SDK1: variants seen among roughly 807,000 people sequenced by gnomAD.
The protein encoded by SDK1 is protein sidekick-1.
SDK1 carries 157 observed loss-of-function variants against 245.5 expected under a neutral mutation model. The ratio of observed to expected loss-of-function variants is 0.64; its 90% CI spans 0.56 to 0.73. The LOEUF is 0.73. Among genes scored for constraint, SDK1 ranks in the 30% least tolerant of loss-of-function variants. SDK1 has a pLI of 0.00. For missense variants in SDK1, 3,583 were observed against 3,002.3 expected (o/e 1.19, Z -4.52); for synonymous variants, 1,647 against 1,278.5 (o/e 1.29, Z -6.15).
At chr7:3,338,443 CAT>C (rs1291552413) in intron 1 of SDK1, 11 of 521,416 alleles carry the variant, frequency 2.1e-5, no homozygotes, top group East Asian at 5.1e-5. Context: ...CTTCCTGAAA[CAT>C]GTGAAGGAAA....
At chr7:4,108,983 C>T (rs921044254) in intron 22 of SDK1, among the ~76,000 whole-genome samples, 28 of 152,180 alleles carry the variant, frequency 1.8e-4, no homozygotes, top group African/African-American at 6.5e-4. Flanking sequence ...TGAGATTTGT[C>T]CATGTGGTAG....
At chr7:3,629,100 GGC>G (rs1782207674) in intron 2 of SDK1, among the ~76,000 whole-genome samples, 2 of 151,618 alleles carry the variant, frequency 1.3e-5, no homozygotes, top group African/African-American at 4.8e-5. Context: ...AGACCATCCT[GGC>G]TAACATGGTG....
intron 4 of SDK1, among the ~76,000 whole-genome samples, chr7:3,723,845 C>T (rs1046763112): frequency 2.1e-5 from 3 of 144,560 alleles, no homozygotes; most frequent in Admixed American, 6.9e-5. Flanking sequence ...TGTATATACA[C>T]GTACATATAC....
chr7:4,064,194 A>C (rs556436680), intron 19 of SDK1, among the ~76,000 whole-genome samples: 19 of 152,230 alleles, frequency 1.2e-4, no homozygotes, highest in Non-Finnish European at 2.5e-4. Flanking sequence ...GTAAGGGATT[A>C]ATATCTAAAA....
Position 4,265,291 on chromosome 7 carries a change from C to A in SDK1, c.6549C>A (p.His2183Gln). Reference sequence around the variant, plus strand: ...GCTCCGAGGCGGGCGCGCAGCTGCACCCGGTCATCACCACGCAGAGCGCGG... The same window carrying A: ...GCTCCGAGGCGGGCGCGCAGCTGCAACCGGTCATCACCACGCAGAGCGCGG... ...VAGSEAGAQL[H>Q]PVITTQSAGG... Residue 2183 changes from histidine to glutamine, a missense_variant, in exon 45 of 45, where the codon CAC becomes CAA. Transcript: ENST00000404826. 3 of 1,583,412 alleles carry A rather than the reference C, an allele frequency of 1.9e-6. No individual in the cohort carries two copies. The highest frequency in any genetic ancestry group is 2.6e-6 in the Non-Finnish European group (3 of 1,172,002).
chr7:3,455,574 A>G lies in SDK1; in HGVS notation c.298+153690A>G, dbSNP rs1004062903. The stretch of plus-strand genomic sequence containing the variant: ...CCCTGAATTGCTTTTTCATCCGTGT[A>G]AAAAATTAGCTGGGCATCTTACTGT... On this transcript the variant is annotated intron_variant, in intron 1 of 44. Coordinates refer to ENST00000404826, the MANE Select transcript of SDK1 (RefSeq NM_152744.4). Among the ~76,000 whole-genome samples the G allele has an allele frequency of 2.6e-5, 4 of 152,204 alleles. No individual in the cohort carries two copies. The East Asian group carries it at 7.7e-4, about 29-fold the overall frequency.
At chr7:4,208,064 C>T (rs1278366439) in intron 36 of SDK1, 35 bp from the exon 37 acceptor site, 2 of 1,559,466 alleles carry the variant, frequency 1.3e-6, no homozygotes, top group Admixed American at 1.8e-5. Flanking sequence ...AAGGCTTCCC[C>T]AGGACCCACC....
Position 4,149,425 on chromosome 7 carries a change from G to A in SDK1, c.4587G>A (p.Ser1529=), listed in dbSNP as rs1007875661. ...LPRGEWQTYS[S]SISHEATACV... ...GGGGTGAGTGGCAGACCTACTCCTCGTCCATCAGCCATGAGGCGACAGCAT... is the reference window on the plus strand; with the variant it reads ...GGGGTGAGTGGCAGACCTACTCCTCATCCATCAGCCATGAGGCGACAGCAT... Residue 1529 remains serine, a synonymous_variant, in exon 30 of 45, where the codon TCG becomes TCA. Coordinates refer to ENST00000404826, the MANE Select transcript of SDK1 (RefSeq NM_152744.4). 1.1e-5 allele frequency: 18 copies of A among 1,568,914 alleles called. No individual in the cohort carries two copies. The highest frequency in any genetic ancestry group is 8.2e-5 in the African/African-American group (6 of 72,890).
At chr7:3,749,163 G>C (rs908354993) in intron 4 of SDK1, among the ~76,000 whole-genome samples, 2 of 151,944 alleles carry the variant, frequency 1.3e-5, no homozygotes, top group African/African-American at 4.8e-5. Context: ...TTGAGAGGGA[G>C]TCTCGCTCTG....
intron 4 of SDK1, among the ~76,000 whole-genome samples, chr7:3,757,011 C>G (rs1779951835): frequency 6.6e-6 from 1 of 152,032 alleles, no homozygotes. Flanking sequence ...GTTTTCTTTT[C>G]TCACCAGCTG....
chr7:3,542,778 A>G (rs1779094338), intron 1 of SDK1, among the ~76,000 whole-genome samples: 1 of 152,230 alleles, frequency 6.6e-6, no homozygotes, highest in African/African-American at 2.4e-5. Flanking sequence ...TAAAGAAGGT[A>G]CAGAGCTCTA....
chr7:4,175,575 A>T (rs1207381962), intron 33 of SDK1, among the ~76,000 whole-genome samples, 200 bp from the exon 34 acceptor site: 2 of 152,192 alleles, frequency 1.3e-5, no homozygotes, highest in African/African-American at 4.8e-5. Context: ...GTTGTTTACG[A>T]GGAGGTGCGG....
chr7:4,110,307 C>G (rs971695961), intron 22 of SDK1, among the ~76,000 whole-genome samples: 1 of 152,180 alleles, frequency 6.6e-6, no homozygotes, highest in African/African-American at 2.4e-5. Context: ...TGAGCCCTCA[C>G]TTGTCAAACA....
At chr7:3,527,944 A>G (rs1222970161) in intron 1 of SDK1, among the ~76,000 whole-genome samples, 805 of 80,516 alleles carry the variant, frequency 1.0e-2, no homozygotes, top group Middle Eastern at 0.083. Flanking sequence ...TAGGAGGTAA[A>G]GTTGGATGAT....
At chr7:3,410,983 ATACC>A (rs1779184931) in intron 1 of SDK1, among the ~76,000 whole-genome samples, 1 of 152,146 alleles carries the variant, frequency 6.6e-6, no homozygotes, top group African/African-American at 2.4e-5. Flanking sequence ...ACAGGACAAA[ATACC>A]TAACACACAA....
intron 5 of SDK1, among the ~76,000 whole-genome samples, chr7:3,832,605 A>G (rs747883205): frequency 5.3e-5 from 8 of 152,218 alleles, no homozygotes; most frequent in Non-Finnish European, 7.3e-5. Flanking sequence ...CCAGAGTGCT[A>G]TATTCCCTGC....
chr7:3,843,309 G>T (rs1583468545), intron 5 of SDK1, among the ~76,000 whole-genome samples: 2 of 152,348 alleles, frequency 1.3e-5, no homozygotes, highest in African/African-American at 2.4e-5. Flanking sequence ...CTATGTGAGT[G>T]GGATTTGAAG....
chr7:4,097,601 T>C lies in SDK1; in HGVS notation c.3325-13062T>C, dbSNP rs965968541. ...ACTGTCCACCTGGCCACCTGTTACC[T>C]CTGTAGGGAGAAATTCTAGTGTGCC... On this transcript the variant is annotated intron_variant, in intron 22 of 44. Coordinates refer to ENST00000404826, the MANE Select transcript of SDK1 (RefSeq NM_152744.4). Among the ~76,000 whole-genome samples the C allele has an allele frequency of 7.8e-4, 119 of 152,286 alleles. 1 individual carries two copies. Among genetic ancestry groups the C allele is most frequent in the Admixed American group, 7.6e-3 (117 of 15,308 alleles).
At chr7:3,532,196 T>C (rs902937620) in intron 1 of SDK1, among the ~76,000 whole-genome samples, 3 of 152,224 alleles carry the variant, frequency 2.0e-5, no homozygotes, top group African/African-American at 7.2e-5. Context: ...CAGTACCTCT[T>C]CTTTCTCCCT....
Sources: gnomAD v4.1 joint callset for allele counts (sites outside exome capture counted in the v4.1 genomes callset) on GRCh38, gnomAD v4.1.1 for gene constraint, MANE v1.5 for transcripts, NCBI Gene and HGNC (gene_info 2026-07-23, HGNC 2026-07-21) for gene names.